PDE10A: variants seen among roughly 807,000 people sequenced by gnomAD.
PDE10A encodes the protein cAMP and cAMP-inhibited cGMP 3',5'-cyclic phosphodiesterase 10A.
Under a neutral mutation model 97.7 loss-of-function variants are expected in PDE10A, and 39 were observed. The ratio of observed to expected loss-of-function variants is 0.40; its 90% CI spans 0.31 to 0.52. The LOEUF (loss-of-function observed/expected upper bound fraction) is 0.52. Ranked by LOEUF, PDE10A falls within the 20% of genes least tolerant of loss-of-function variation. The probability of loss-of-function intolerance (pLI) is 0.56; values close to 1 mark genes in which losing one functional copy is unlikely to be tolerated. For synonymous variants in PDE10A, 371 were observed against 376.8 expected, an observed-to-expected ratio of 0.98 and a Z score of 0.18; for missense variants, 731 against 1,047.8, an observed-to-expected ratio of 0.70 and a Z score of 4.17.
intron 1 of PDE10A, among the ~76,000 whole-genome samples, chr6:165,918,020 C>T (rs1461115800): frequency 6.6e-6 from 1 of 152,184 alleles, no homozygotes; most frequent in East Asian, 1.9e-4. Context: ...CTTAGTATTC[C>T]GGAAGGGAAA....
intron 1 of PDE10A, among the ~76,000 whole-genome samples, chr6:165,803,166 G>T (rs1272465925): frequency 6.6e-6 from 1 of 152,114 alleles, no homozygotes; most frequent in African/African-American, 2.4e-5. Flanking sequence ...TGTGCCTCTG[G>T]TCTTACCAGA....
chr6:165,794,528 CCT>C (rs1171298418), intron 1 of PDE10A, among the ~76,000 whole-genome samples: 1 of 151,250 alleles, frequency 6.6e-6, no homozygotes, highest in Non-Finnish European at 1.5e-5. Flanking sequence ...ACTCGCACAC[CCT>C]CACACACACT....
intron 1 of PDE10A, among the ~76,000 whole-genome samples, chr6:165,914,564 G>A (rs1039599053): frequency 5.9e-5 from 9 of 152,168 alleles, no homozygotes. Context: ...AGGTGTCAAG[G>A]GGAGGGAAAA....
In PDE10A at chr6:165,438,195, A is replaced by AATTTTTT. The variant is rs1211357895; in HGVS notation, c.1195-2825_1195-2819dup. ...ACGCTTTTTTTAATTTTTAATTTTT[A>AATTTTTT]ATTTTTTTTTGAGACGGAGTTTCAC... On this transcript the variant is annotated intron_variant, in intron 5 of 21. Transcript: ENST00000539869. Among the ~76,000 whole-genome samples, 3 of 151,962 alleles carry AATTTTTT rather than the reference A, an allele frequency of 2.0e-5. No individual in the cohort carries two copies. The East Asian group carries it at 5.8e-4, about 29-fold the overall frequency.
intron 6 of PDE10A, among the ~76,000 whole-genome samples, chr6:165,433,608 C>A (rs1173331571): frequency 6.6e-6 from 1 of 152,146 alleles, no homozygotes; most frequent in Non-Finnish European, 1.5e-5. Context: ...CTAACTGAAT[C>A]TCAAAGGCCC....
intron 1 of PDE10A, among the ~76,000 whole-genome samples, chr6:165,874,774 T>C (rs1041472908): frequency 1.3e-5 from 2 of 152,210 alleles, no homozygotes; most frequent in Admixed American, 1.3e-4. Flanking sequence ...GTGTCCCATA[T>C]CCAGTATGGC....
intron 13 of PDE10A, among the ~76,000 whole-genome samples, chr6:165,406,511 A>G (rs1473059423): frequency 6.6e-6 from 1 of 152,012 alleles, no homozygotes; most frequent in Non-Finnish European, 1.5e-5. Flanking sequence ...CATGAACCCT[A>G]TCCTTGCTCT....
intron 1 of PDE10A, among the ~76,000 whole-genome samples, chr6:165,849,150 T>C (rs928064044): frequency 1.7e-4 from 26 of 152,242 alleles, no homozygotes; most frequent in Non-Finnish European, 1.5e-4. Flanking sequence ...TATTTTATTG[T>C]TATTGCTCCT....
At chr6:165,821,258 T>TA (rs1779561369) in intron 1 of PDE10A, among the ~76,000 whole-genome samples, 1 of 152,084 alleles carries the variant, frequency 6.6e-6, no homozygotes, top group South Asian at 2.1e-4. Context: ...AGTGTAGAAG[T>TA]AGCCTCAAAA....
chr6:165,982,701 G>GA (rs1397429225), intron 1 of PDE10A, among the ~76,000 whole-genome samples: 1 of 152,004 alleles, frequency 6.6e-6, no homozygotes, highest in Non-Finnish European at 1.5e-5. Context: ...TGAAGAGAAT[G>GA]AAAAAAATTT....
At chr6:165,861,302 C>T (rs1268113782) in intron 1 of PDE10A, among the ~76,000 whole-genome samples, 1 of 151,990 alleles carries the variant, frequency 6.6e-6, no homozygotes, top group Non-Finnish European at 1.5e-5. Flanking sequence ...GCTGTGAATG[C>T]ATGACAAACC....
chr6:165,430,303 G>C lies in PDE10A; in HGVS notation c.1585C>G (p.Leu529Val). ...LAKQTELNDF[L>V]LDVSKTYFDN... Reference sequence around the variant, plus strand: ...AACACTTACTTTGATACGTCGAGTAGGAAGTCATTCAATTCTGTCTGTTTG... The same window carrying C: ...AACACTTACTTTGATACGTCGAGTACGAAGTCATTCAATTCTGTCTGTTTG... The change falls in exon 9 of 22, where the codon CTA becomes GTA. Residue 529 changes from leucine to valine, a missense_variant. Coordinates refer to ENST00000539869, the MANE Select transcript of PDE10A (RefSeq NM_001385079.1). The C allele has an allele frequency of 6.2e-7, 1 of 1,608,526 alleles. No individual in the cohort carries two copies. Among genetic ancestry groups the C allele is most frequent in the Non-Finnish European group, 8.5e-7 (1 of 1,175,998 alleles).
chr6:165,907,535 G>C (rs1222579075), intron 1 of PDE10A, among the ~76,000 whole-genome samples: 1 of 152,264 alleles, frequency 6.6e-6, no homozygotes, highest in East Asian at 1.9e-4. Flanking sequence ...TTTGGGCTGA[G>C]AGTCACTGGC....
At chr6:165,837,674 T>G (rs1187589113) in intron 1 of PDE10A, among the ~76,000 whole-genome samples, 20 of 147,014 alleles carry the variant, frequency 1.4e-4, no homozygotes, top group Admixed American at 1.4e-3. Context: ...TTTTTTTTTT[T>G]TTTTTTTTTT....
intron 8 of PDE10A, 47 bp downstream of exon 8, chr6:165,431,375 C>A: frequency 1.5e-6 from 2 of 1,357,866 alleles, no homozygotes; most frequent in South Asian, 1.4e-5. Flanking sequence ...ACTCCAAAAA[C>A]CTCTTCTCCC....
At chr6:165,550,064 C>T (rs1041959776) in intron 1 of PDE10A, among the ~76,000 whole-genome samples, 3 of 152,232 alleles carry the variant, frequency 2.0e-5, no homozygotes, top group Admixed American at 6.5e-5. Flanking sequence ...TTATGCCTCT[C>T]GCCCACGACA....
At chr6:165,936,171 T>C (rs1783318973) in intron 1 of PDE10A, among the ~76,000 whole-genome samples, 1 of 152,174 alleles carries the variant, frequency 6.6e-6, no homozygotes, top group Non-Finnish European at 1.5e-5. Flanking sequence ...ATGTTCAGTT[T>C]TGAGCAGTCC....
At chr6:165,557,811 A>C (rs1214639196) in intron 1 of PDE10A, among the ~76,000 whole-genome samples, 1 of 152,198 alleles carries the variant, frequency 6.6e-6, no homozygotes, top group Non-Finnish European at 1.5e-5. Context: ...TTGTTTTAGG[A>C]TGAATAAGGG....
chr6:165,500,515 TTGTTAAAAG>T (rs1780806936), intron 2 of PDE10A, among the ~76,000 whole-genome samples: 1 of 152,154 alleles, frequency 6.6e-6, no homozygotes, highest in Admixed American at 6.5e-5. Context: ...GGCAGTATGC[TTGTTAAAAG>T]TCATCACCAT....
Sources: gnomAD v4.1 joint callset for allele counts (sites outside exome capture counted in the v4.1 genomes callset) on GRCh38, gnomAD v4.1.1 for gene constraint, MANE v1.5 for transcripts, NCBI Gene and HGNC (gene_info 2026-07-23, HGNC 2026-07-21) for gene names.